Variants in CACNA2D3 observed in about 807,000 individuals in gnomAD.
CACNA2D3 encodes voltage-dependent calcium channel subunit alpha-2/delta-3.
CACNA2D3 carries 60 observed loss-of-function variants against 160.6 expected under a neutral mutation model. That is an observed-to-expected ratio of 0.37 (90% CI 0.30 to 0.46). The LOEUF (loss-of-function observed/expected upper bound fraction) is 0.46, where lower values mean the gene tolerates loss of function less well. CACNA2D3 is among the 20% of genes least tolerant of loss of function. The pLI is 1.00. For synonymous variants in CACNA2D3, 558 were observed against 492.9 expected (o/e 1.13, Z -1.75); for missense variants, 1,205 against 1,365.0 (o/e 0.88, Z 1.85).
chr3:55,012,614 T>C (rs1181297069), intron 34 of CACNA2D3, among the ~76,000 whole-genome samples: 3 of 152,100 alleles, frequency 2.0e-5, no homozygotes, highest in African/African-American at 7.2e-5. Flanking sequence ...ATGGGGGCAG[T>C]TTTGCCTCCC....
intron 29 of CACNA2D3, among the ~76,000 whole-genome samples, chr3:54,983,670 C>T (rs1702553762): frequency 6.6e-6 from 1 of 152,288 alleles, no homozygotes; most frequent in Middle Eastern, 3.4e-3. Context: ...TCACTGCTGC[C>T]CTTTTGTGCC....
At chr3:54,230,032 G>T (rs183661318) in intron 2 of CACNA2D3, among the ~76,000 whole-genome samples, 1 of 151,822 alleles carries the variant, frequency 6.6e-6, no homozygotes, top group Non-Finnish European at 1.5e-5. Context: ...AGTAGGAAGC[G>T]TTGCCAAAGG....
chr3:54,377,275 A>G (rs1386624308), intron 3 of CACNA2D3, among the ~76,000 whole-genome samples: 1 of 152,184 alleles, frequency 6.6e-6, no homozygotes, highest in African/African-American at 2.4e-5. Context: ...TGGATTCTGA[A>G]AACCCGCCCT....
chr3:54,148,611 C>T (rs1017442786), intron 2 of CACNA2D3, among the ~76,000 whole-genome samples: 1 of 152,114 alleles, frequency 6.6e-6, no homozygotes, highest in Non-Finnish European at 1.5e-5. Flanking sequence ...CCACAGGTGG[C>T]TGTGTTTTCA....
At chr3:54,564,048 T>C (rs1702369323) in intron 6 of CACNA2D3, among the ~76,000 whole-genome samples, 1 of 152,206 alleles carries the variant, frequency 6.6e-6, no homozygotes, top group Admixed American at 6.5e-5. Flanking sequence ...TGCCACCAAA[T>C]TGCAGTCTGC....
intron 2 of CACNA2D3, among the ~76,000 whole-genome samples, chr3:54,241,019 G>T (rs1412498311): frequency 1.3e-5 from 2 of 152,248 alleles, no homozygotes; most frequent in East Asian, 3.9e-4. Flanking sequence ...GGGATTACAG[G>T]CATGAGCCAC....
intron 24 of CACNA2D3, among the ~76,000 whole-genome samples, chr3:54,888,928 T>C (rs1699993221): frequency 1.3e-5 from 2 of 152,198 alleles, no homozygotes; most frequent in African/African-American, 4.8e-5. Context: ...ACCTGTGGTA[T>C]ATAGTGTGCT....
intron 10 of CACNA2D3, among the ~76,000 whole-genome samples, chr3:54,635,077 C>A (rs2106831156): frequency 6.6e-6 from 1 of 151,832 alleles, no homozygotes; most frequent in Non-Finnish European, 1.5e-5. Context: ...GTGTGGGAAC[C>A]TAGAGTCGGA....
intron 17 of CACNA2D3, among the ~76,000 whole-genome samples, chr3:54,871,201 ACACACACACACACACACACACACC>A (rs1699521206): frequency 9.8e-6 from 1 of 102,050 alleles, no homozygotes; most frequent in African/African-American, 5.1e-5. Flanking sequence ...ACACACACAC[ACACACACACACACACACACACACC>A]CCCCATTCAA....
At chr3:54,496,647 A>C (rs1475990289) in intron 4 of CACNA2D3, among the ~76,000 whole-genome samples, 1 of 152,298 alleles carries the variant, frequency 6.6e-6, no homozygotes, top group Middle Eastern at 3.4e-3. Context: ...TTGAATTTTC[A>C]TAAATTCCAA....
chr3:55,010,335 C>T (rs935358893), intron 34 of CACNA2D3, among the ~76,000 whole-genome samples: 22 of 152,080 alleles, frequency 1.4e-4, no homozygotes, highest in Admixed American at 1.4e-3. Flanking sequence ...ACCCTCGAGA[C>T]ATGCAGTTGA....
chr3:54,750,423 G>A (rs1701834868), intron 11 of CACNA2D3, among the ~76,000 whole-genome samples: 1 of 152,198 alleles, frequency 6.6e-6, no homozygotes, highest in Non-Finnish European at 1.5e-5. Flanking sequence ...AAAGATTTAT[G>A]AGAAAGCATG....
At chr3:54,836,588 G>A (rs1698696007) in intron 14 of CACNA2D3, among the ~76,000 whole-genome samples, 1 of 152,166 alleles carries the variant, frequency 6.6e-6, no homozygotes, top group South Asian at 2.1e-4. Flanking sequence ...GATTTTAGAA[G>A]TCAGATAATA....
In CACNA2D3 at chr3:55,007,876, A is replaced by G. The variant is rs779876369; in HGVS notation, c.2819+34A>G. 1.6e-5 allele frequency: 23 copies of G among 1,439,204 alleles called. No homozygotes were observed. In the South Asian group the frequency reaches 2.2e-4, roughly 14 times the overall value. 89.2% of individuals were successfully genotyped at this position (1,439,204 alleles called of 1,614,324 possible). On this transcript the variant is annotated intron_variant, in intron 33 of 37. Transcript: ENST00000474759. ...AATCTGCTGCATTTTTTTGAAAAGT[A>G]TTAATATTTTCCTTTTTGTATCATA... is the stretch of plus-strand genomic sequence containing the variant.
intron 2 of CACNA2D3, among the ~76,000 whole-genome samples, chr3:54,288,663 A>G (rs1703100192): frequency 2.6e-5 from 4 of 152,202 alleles, no homozygotes; most frequent in Admixed American, 2.6e-4. Flanking sequence ...CATTGATGCA[A>G]ATATCCTCAA....
In CACNA2D3 at chr3:54,503,497, A is replaced by G. The variant is rs1701324477; in HGVS notation, c.387A>G (p.Glu129=). 6.2e-7 allele frequency: 1 copy of G among 1,613,748 alleles called. No individual in the cohort carries two copies. The highest frequency in any genetic ancestry group is 1.3e-5 in the African/African-American group (1 of 74,940). The part of the protein sequence containing the change: ...KHEFDADLQY[E]YFNAVLINER... ...TTTTTGACTTTGTCTTTCAGTATGA[A>G]TACTTCAATGCTGTGCTGATAAATG... The change falls in exon 5 of 38, where the codon GAA becomes GAG. Residue 129 remains glutamate (E), a synonymous_variant. Coordinates refer to ENST00000474759, the MANE Select transcript of CACNA2D3 (RefSeq NM_018398.3).
chr3:54,758,640 C>T (rs1702022031), intron 12 of CACNA2D3, among the ~76,000 whole-genome samples: 4 of 152,186 alleles, frequency 2.6e-5, no homozygotes, highest in African/African-American at 4.8e-5. Flanking sequence ...GTATTGGGAG[C>T]GTCTTCCAAG....
intron 8 of CACNA2D3, among the ~76,000 whole-genome samples, chr3:54,575,722 G>A (rs964500182): frequency 1.1e-4 from 16 of 152,290 alleles, no homozygotes; most frequent in Admixed American, 5.2e-4. Context: ...GGGCTCTGTG[G>A]TGGCTTATCA....
At chr3:55,013,543 G>T (rs1050701560) in intron 34 of CACNA2D3, among the ~76,000 whole-genome samples, 2 of 152,168 alleles carry the variant, frequency 1.3e-5, no homozygotes, top group Non-Finnish European at 2.9e-5. Flanking sequence ...TATGCTATTG[G>T]CTTGCAAGGT....
Sources: allele counts gnomAD v4.1 joint callset (sites outside exome capture counted in the v4.1 genomes callset), GRCh38; gene constraint gnomAD v4.1.1; transcripts MANE v1.5; gene names NCBI Gene and HGNC (gene_info 2026-07-23, HGNC 2026-07-21).